Variants in MAST4 observed in about 807,000 individuals in gnomAD.
MAST4 encodes the protein microtubule-associated serine/threonine-protein kinase 4.
In MAST4, 89 loss-of-function variants were observed where a neutral mutation model predicts 162.7. The observed-to-expected ratio is 0.55, with a 90% CI of 0.46 to 0.65. MAST4 has a LOEUF of 0.65. MAST4 is among the 30% of genes least tolerant of loss of function. The pLI is 0.00. For synonymous variants in MAST4, 1,479 were observed against 1,361.1 expected (o/e 1.09, Z -1.91); for missense variants, 3,153 against 3,374.0 (o/e 0.93, Z 1.62).
At chr5:66,685,285 A>G (rs887043396) in intron 1 of MAST4, among the ~76,000 whole-genome samples, 1 of 151,232 alleles carries the variant, frequency 6.6e-6, no homozygotes, top group African/African-American at 2.4e-5. Context: ...ACAAAACAAA[A>G]CAAAACAAAA....
intron 5 of MAST4, among the ~76,000 whole-genome samples, chr5:67,060,579 A>T (rs373233): frequency 6.7e-6 from 1 of 149,390 alleles, no homozygotes; most frequent in East Asian, 2.0e-4. Flanking sequence ...ACAGGTTCAC[A>T]CCATTCTCCT....
chr5:66,761,825 AT>A (rs1235225445), intron 2 of MAST4, among the ~76,000 whole-genome samples: 1 of 152,178 alleles, frequency 6.6e-6, no homozygotes, highest in Non-Finnish European at 1.5e-5. Flanking sequence ...CTTTCATTTC[AT>A]AAATGCAGAC....
In MAST4 at chr5:66,906,634, C is replaced by T. The variant is rs139407697; in HGVS notation, c.674+6652C>T. Among the ~76,000 whole-genome samples the T allele has an allele frequency of 3.5e-3, 532 of 152,222 alleles. 5 individuals are homozygous for T. Among genetic ancestry groups the T allele is most frequent in the African/African-American group, 0.012 (513 of 41,530 alleles). On this transcript the variant is annotated intron_variant, in intron 4 of 28. Coordinates refer to ENST00000403625, the MANE Select transcript of MAST4 (RefSeq NM_001164664.2). ...TTGGTACCTCACTGAAATGTATGTACCTTTGGTCAGGGCAGGTTGTCGCCC... is the reference window on the plus strand; with the variant it reads ...TTGGTACCTCACTGAAATGTATGTATCTTTGGTCAGGGCAGGTTGTCGCCC...
chr5:66,697,980 C>T (rs1311181812), intron 1 of MAST4, among the ~76,000 whole-genome samples: 1 of 152,020 alleles, frequency 6.6e-6, no homozygotes, highest in African/African-American at 2.4e-5. Context: ...CCCAACATTC[C>T]ATGACCTAAC....
Position 67,165,767 on chromosome 5 carries a change from TG to T in MAST4, c.6590del (p.Gly2197AlafsTer86). ...AAAGCAGCAGCCACAAGCCCCGGCC[TG>T]GCCCTGACCCGGGCCCTCCAAAGAC... ...SESSSHKPRPGPDPGPPKTKH... is the reference protein window; with the variant it reads ...SESSSHKPRPXPDPGPPKTKH... On this transcript the variant is annotated frameshift_variant, in exon 29 of 29. Transcript: ENST00000403625. LOFTEE classifies it low-confidence loss of function (END_TRUNC). The T allele has an allele frequency of 6.2e-7, 1 of 1,600,564 alleles. No individual in the cohort carries two copies. The highest frequency in any genetic ancestry group is 8.5e-7 in the Non-Finnish European group (1 of 1,173,946).
chr5:67,073,744 G>A (rs16896242), intron 5 of MAST4, among the ~76,000 whole-genome samples: 3,847 of 152,272 alleles, frequency 0.025, 138 homozygotes, highest in East Asian at 0.17. Flanking sequence ...AAAGGAAATA[G>A]TTTAATCAAC....
At chr5:67,094,082 G>A (rs2150813581) in intron 6 of MAST4, 3 of 853,914 alleles carry the variant, frequency 3.5e-6, no homozygotes, top group East Asian at 2.7e-5. Flanking sequence ...CTTTTATCTG[G>A]TATATTTACA....
At chr5:67,152,971 T>G in intron 25 of MAST4, 105 bp downstream of exon 25, 1 of 930,122 alleles carries the variant, frequency 1.1e-6, no homozygotes, top group Admixed American at 2.3e-5. Flanking sequence ...TAAGCTTGCA[T>G]TTGCGACCTG....
intron 10 of MAST4, among the ~76,000 whole-genome samples, chr5:67,106,970 C>A (rs1765669533): frequency 6.6e-6 from 1 of 152,166 alleles, no homozygotes; most frequent in Admixed American, 6.5e-5. Flanking sequence ...TCTGCTGTTG[C>A]TTTAATCAAA....
At chr5:66,847,237 C>T (rs1327737097) in intron 3 of MAST4, among the ~76,000 whole-genome samples, 1 of 152,182 alleles carries the variant, frequency 6.6e-6, no homozygotes. Context: ...ACAAGGATGG[C>T]ATGTGACGTA....
chr5:66,626,621 GTAATGATTTAAAGACTGTA>G (rs1237750206), intron 1 of MAST4, among the ~76,000 whole-genome samples: 1 of 152,236 alleles, frequency 6.6e-6, no homozygotes, highest in African/African-American at 2.4e-5. Context: ...TTAAAGTGCA[GTAATGATTTAAAGACTGTA>G]AGCAGTGTTT....
chr5:66,949,750 G>A (rs557241943), intron 4 of MAST4, among the ~76,000 whole-genome samples: 65 of 151,972 alleles, frequency 4.3e-4, no homozygotes, highest in Middle Eastern at 6.8e-3. Flanking sequence ...CCTATTTTTC[G>A]TGGTTCTGAT....
At chr5:66,826,051 T>A (rs1757237681) in intron 3 of MAST4, among the ~76,000 whole-genome samples, 1 of 152,208 alleles carries the variant, frequency 6.6e-6, no homozygotes, top group Non-Finnish European at 1.5e-5. Flanking sequence ...AGAAAATATA[T>A]AGCAAAGGGT....
chr5:67,060,140 ACC>A (rs1204843356), intron 5 of MAST4, among the ~76,000 whole-genome samples: 3 of 152,128 alleles, frequency 2.0e-5, no homozygotes, highest in Non-Finnish European at 4.4e-5. Flanking sequence ...ACTCTTAAGG[ACC>A]TTTCTCCTTT....
intron 3 of MAST4, among the ~76,000 whole-genome samples, chr5:66,865,672 A>G (rs748468427): frequency 2.0e-5 from 3 of 152,214 alleles, no homozygotes; most frequent in Non-Finnish European, 2.9e-5. Context: ...ATTTATAATG[A>G]GCTCCCTAGC....
At chr5:66,673,523 G>GTTTTTTTTTTTTTTTT (rs1208217801) in intron 1 of MAST4, among the ~76,000 whole-genome samples, 7 of 131,316 alleles carry the variant, frequency 5.3e-5, no homozygotes, top group East Asian at 2.3e-4. Flanking sequence ...TTTGTTTTTT[G>GTTTTTTTTTTTTTTTT]TTTTTTGTTT....
At chr5:67,031,216 T>C (rs1755277571) in intron 4 of MAST4, among the ~76,000 whole-genome samples, 1 of 152,178 alleles carries the variant, frequency 6.6e-6, no homozygotes, top group African/African-American at 2.4e-5. Flanking sequence ...TGCTTTCCTC[T>C]GCATAGATAC....
chr5:66,964,565 G>A (rs1746438499), intron 4 of MAST4, among the ~76,000 whole-genome samples: 1 of 152,176 alleles, frequency 6.6e-6, no homozygotes, highest in African/African-American at 2.4e-5. Flanking sequence ...ACTTTGGGAG[G>A]TCGAGGCGGG....
At chr5:67,139,931 G>A (rs142578449) in intron 19 of MAST4, among the ~76,000 whole-genome samples, 2 of 152,350 alleles carry the variant, frequency 1.3e-5, no homozygotes, top group Non-Finnish European at 2.9e-5. Flanking sequence ...GCTATGGGCT[G>A]TAAATCCTTG....
Sources: gnomAD v4.1 joint callset for allele counts (sites outside exome capture counted in the v4.1 genomes callset) on GRCh38, gnomAD v4.1.1 for gene constraint, MANE v1.5 for transcripts, NCBI Gene and HGNC (gene_info 2026-07-23, HGNC 2026-07-21) for gene names.